The following ADD1 variants were observed in gnomAD, a reference collection of about 807,000 sequenced individuals.
ADD1 encodes the protein adducin 1, also known as alpha-adducin.
Under a neutral mutation model 80.5 loss-of-function variants are expected in ADD1, and 24 were observed. The observed-to-expected ratio is 0.30, with a 90% CI of 0.22 to 0.42. The LOEUF (loss-of-function observed/expected upper bound fraction) is 0.42. Among genes scored for constraint, ADD1 ranks in the 10% least tolerant of loss-of-function variants. ADD1 has a pLI of 1.00. For synonymous variants in ADD1, 373 were observed against 393.8 expected (o/e 0.95, Z 0.63); for missense variants, 948 against 1,019.0 (o/e 0.93, Z 0.95).
At chr4:2,874,823 G>A (rs951744050) in intron 1 of ADD1, among the ~76,000 whole-genome samples, 2 of 152,146 alleles carry the variant, frequency 1.3e-5, no homozygotes, top group Non-Finnish European at 2.9e-5. Flanking sequence ...AAGTTCAGCA[G>A]CATTGGTATC....
chr4:2,916,530 C>T (rs768535825), intron 14 of ADD1, among the ~76,000 whole-genome samples: 1 of 152,046 alleles, frequency 6.6e-6, no homozygotes, highest in African/African-American at 2.4e-5. Context: ...GTCTCTCTCT[C>T]TCTTTTTTTT....
intron 12 of ADD1, 69 bp from the exon 13 acceptor site, chr4:2,909,270 C>A: frequency 7.5e-7 from 1 of 1,338,460 alleles, no homozygotes; most frequent in South Asian, 1.3e-5. Context: ...CCAGCTCCAT[C>A]CTGTGCTCTC....
chr4:2,898,758 T>C (rs1353178649), intron 8 of ADD1: 6 of 535,864 alleles, frequency 1.1e-5, no homozygotes, highest in Non-Finnish European at 2.0e-5. Context: ...TTTTCAAATA[T>C]GTCAGTCACT....
chr4:2,906,861 G>A (rs1305325033), intron 10 of ADD1, among the ~76,000 whole-genome samples: 2 of 152,102 alleles, frequency 1.3e-5, no homozygotes, highest in African/African-American at 2.4e-5. Context: ...TTTTAAAGTC[G>A]TATGGTTTAT....
intron 4 of ADD1, among the ~76,000 whole-genome samples, chr4:2,885,819 C>T (rs543640312): frequency 7.9e-5 from 12 of 151,594 alleles, no homozygotes; most frequent in Non-Finnish European, 1.5e-4. Flanking sequence ...ACCGTGTTAG[C>T]CAGGATGGTC....
chr4:2,874,623 A>G (rs1275769134), intron 1 of ADD1, among the ~76,000 whole-genome samples: 2 of 151,952 alleles, frequency 1.3e-5, no homozygotes, highest in Admixed American at 6.5e-5. Flanking sequence ...AAAAAAAGAA[A>G]GAAATACTGC....
intron 10 of ADD1, 163 bp downstream of exon 10, chr4:2,905,271 A>G (rs145061640): frequency 1.6e-6 from 1 of 644,294 alleles, no homozygotes; most frequent in Non-Finnish European, 2.7e-6. Context: ...ATGCATTACT[A>G]AAATTCGGAT....
At chr4:2,870,872 C>CTT (rs1730317092) in intron 1 of ADD1, among the ~76,000 whole-genome samples, 1 of 151,394 alleles carries the variant, frequency 6.6e-6, no homozygotes, top group Admixed American at 6.6e-5. Context: ...CATGTGCCTC[C>CTT]TAAACAAAAA....
intron 1 of ADD1, chr4:2,844,322 G>A (rs1294600130): frequency 6.6e-6 from 1 of 152,502 alleles, no homozygotes; most frequent in Non-Finnish European, 1.5e-5. Context: ...GGGCTGCAGG[G>A]GTGGGGGCGG....
chr4:2,899,521 CT>C, intron 9 of ADD1, 86 bp downstream of exon 9: 1 of 1,419,130 alleles, frequency 7.0e-7, no homozygotes, highest in Non-Finnish European at 9.9e-7. Flanking sequence ...CGATTGCTGT[CT>C]TTTATGCAGT....
chr4:2,856,510 G>A (rs1384030944), intron 1 of ADD1, among the ~76,000 whole-genome samples: 1 of 150,438 alleles, frequency 6.6e-6, no homozygotes, highest in African/African-American at 2.4e-5. Flanking sequence ...GAAGTTGTCA[G>A]CCATTTTCTT....
intron 8 of ADD1, chr4:2,898,895 A>G (rs1577628873): frequency 7.8e-6 from 3 of 382,828 alleles, no homozygotes; most frequent in Non-Finnish European, 1.4e-5. Context: ...GTAGAGACTC[A>G]GAGACTTGCC....
In ADD1 at chr4:2,926,601, C is replaced by G; in HGVS notation, c.2047+489C>G. 1.9e-6 allele frequency: 3 copies of G among 1,610,920 alleles called. No homozygotes were observed. The highest frequency in any genetic ancestry group is 2.5e-6 in the Non-Finnish European group (3 of 1,178,202). On this transcript the variant is annotated intron_variant, in intron 15 of 15. Coordinates refer to ENST00000683351, the MANE Select transcript of ADD1 (RefSeq NM_001354761.2). This position sits in a 1 kb window ranked among gnomAD's most constrained non-coding sequence, Gnocchi z 5.0. ...GGCTGTGACTGAATGCATAGATTCT[C>G]TCCTTGTGCTTTTTTCTCCCTGTGG...
chr4:2,922,911 A>C (rs1281034161), intron 14 of ADD1, among the ~76,000 whole-genome samples: 1 of 152,194 alleles, frequency 6.6e-6, no homozygotes, highest in Non-Finnish European at 1.5e-5. Flanking sequence ...CCCAGTGTGA[A>C]CTTCCTGGCA....
At position 2,877,953 on chromosome 4, in the gene ADD1, T is replaced by G. The variant is rs903669593; in HGVS notation, c.195+1843T>G. ...GTGCACTCCAGCCTGGGTGACAGAG[T>G]GAGACCCTGTCTCCAAAAAAAAAGG... On this transcript the variant is annotated intron_variant, in intron 2 of 15. Transcript: ENST00000683351. 5.3e-5 allele frequency among the ~76,000 whole-genome samples: 8 copies of G among 151,980 alleles called. No homozygotes were observed. The South Asian group carries it at 1.7e-3, about 32-fold the overall frequency.
intron 11 of ADD1, 74 bp downstream of exon 11, chr4:2,907,918 CG>C (rs1163018251): frequency 8.1e-7 from 1 of 1,235,788 alleles, no homozygotes; most frequent in African/African-American, 1.5e-5. Context: ...TTGGGGGGAG[CG>C]GGTGCTTGCT....
chr4:2,858,696 A>C (rs1419481425), intron 1 of ADD1, among the ~76,000 whole-genome samples: 1 of 152,112 alleles, frequency 6.6e-6, no homozygotes, highest in Non-Finnish European at 1.5e-5. Flanking sequence ...CATTTCCAAA[A>C]CCACACCCAA....
At chr4:2,915,263 T>C (rs1738795149) in intron 14 of ADD1, among the ~76,000 whole-genome samples, 1 of 152,224 alleles carries the variant, frequency 6.6e-6, no homozygotes, top group Non-Finnish European at 1.5e-5. Context: ...TCCAGCACTT[T>C]GGGAGGCCAA....
intron 1 of ADD1, among the ~76,000 whole-genome samples, chr4:2,862,834 T>C (rs1449624783): frequency 6.6e-6 from 1 of 152,238 alleles, no homozygotes; most frequent in Non-Finnish European, 1.5e-5. Context: ...CCCCTGAGAA[T>C]GTGGATTGCT....
Sources: gnomAD v4.1 joint callset for allele counts (sites outside exome capture counted in the v4.1 genomes callset) on GRCh38, gnomAD v4.1.1 for gene constraint, Gnocchi (gnomAD v3.1) non-coding constraint, MANE v1.5 for transcripts, NCBI Gene and HGNC (gene_info 2026-07-23, HGNC 2026-07-21) for gene names.